Variants in IL17RB observed in about 807,000 individuals in gnomAD.
IL17RB encodes the protein interleukin-17 receptor B.
IL17RB carries 36 observed loss-of-function variants against 43.9 expected under a neutral mutation model. The ratio of observed to expected loss-of-function variants is 0.82; its 90% confidence interval spans 0.63 to 1.08. IL17RB has a LOEUF of 1.08. Ranked by LOEUF, IL17RB falls within the 50% of genes least tolerant of loss-of-function variation. The pLI, the probability that IL17RB is intolerant of heterozygous loss-of-function variation, is 0.00. For synonymous variants in IL17RB, 225 were observed against 225.4 expected, an observed-to-expected ratio of 1.00 and a Z score of 0.02; for missense variants, 613 against 613.6, an observed-to-expected ratio of 1.00 and a Z score of 0.01.
intron 9 of IL17RB, 137 bp downstream of exon 9, chr3:53,858,955 A>G (rs1699456453): frequency 1.6e-6 from 1 of 613,952 alleles, no homozygotes; most frequent in Non-Finnish European, 2.8e-6. Context: ...ACTGGGGTGC[A>G]GAGAAAGCCA....
Position 53,857,597 on chromosome 3 carries a change from T to G in IL17RB, c.673-19T>G. On this transcript the variant is annotated intron_variant, in intron 7 of 10. Transcript: ENST00000288167. ...AGTGCACCTGGCACCTCATAATTCT[T>G]GACTCTCTCTCTCTTAAGCCACACC... 1 of 1,612,336 alleles carries G rather than the reference T, an allele frequency of 6.2e-7. No individual in the cohort carries two copies. The highest frequency in any genetic ancestry group is 8.5e-7 in the Non-Finnish European group (1 of 1,178,346).
At chr3:53,860,671 T>C (rs1699531333) in intron 10 of IL17RB, 1 of 152,522 alleles carries the variant, frequency 6.6e-6, no homozygotes, top group Admixed American at 6.5e-5. Context: ...TACACCTGGA[T>C]TTTTTCAATA....
chr3:53,859,079 A>G, intron 9 of IL17RB: 1 of 358,226 alleles, frequency 2.8e-6, no homozygotes, highest in Non-Finnish European at 5.1e-6. Context: ...ACACAGTGCA[A>G]AATGGATGTT....
chr3:53,859,092 G>A (rs922260423), intron 9 of IL17RB: 2 of 320,184 alleles, frequency 6.2e-6, no homozygotes, highest in Non-Finnish European at 1.1e-5. Context: ...TGGATGTTCT[G>A]AGTGCCACAA....
In IL17RB at chr3:53,858,818, A is replaced by C; in HGVS notation, c.847A>C (p.Asn283His). The stretch of plus-strand genomic sequence containing the variant: ...AGGCGTCCCTTTCCCTCTGGATAAC[A>C]GTAAGTGCCCAGTAACTTCAACCAG... ...QTGVPFPLDNNKSKPGGWLPL... is the reference protein window; with the variant it reads ...QTGVPFPLDNHKSKPGGWLPL... Residue 283 changes from asparagine to histidine, a missense_variant and splice_region_variant, in exon 9 of 11, where the codon AAC becomes CAC. Coordinates refer to ENST00000288167, the MANE Select transcript of IL17RB (RefSeq NM_018725.4). 1 of 1,611,742 alleles carries C rather than the reference A, an allele frequency of 6.2e-7. No homozygotes were observed. Among genetic ancestry groups the C allele is most frequent in the African/African-American group, 1.3e-5 (1 of 74,994 alleles).
At chr3:53,856,718 A>G (rs1699346194) in intron 6 of IL17RB, 126 bp from the exon 7 acceptor site, 24 of 849,344 alleles carry the variant, frequency 2.8e-5, no homozygotes, top group Non-Finnish European at 4.4e-5. Flanking sequence ...TTCACTATGT[A>G]GCAGCGTCCC....
At chr3:53,852,460 A>G (rs1467157036) in intron 4 of IL17RB, among the ~76,000 whole-genome samples, 2 of 152,086 alleles carry the variant, frequency 1.3e-5, no homozygotes, top group Non-Finnish European at 2.9e-5. Context: ...TATTTGGCTA[A>G]TTGTTGCTGA....
At chr3:53,855,224 G>A (rs1178366131) in intron 5 of IL17RB, 70 bp from the exon 6 acceptor site, 4 of 974,022 alleles carry the variant, frequency 4.1e-6, no homozygotes, top group Non-Finnish European at 6.5e-6. Context: ...ATGTGTGTGT[G>A]CACTTGGCAA....
chr3:53,853,170 G>C (rs1046688968), intron 5 of IL17RB, among the ~76,000 whole-genome samples, 173 bp downstream of exon 5: 2 of 152,222 alleles, frequency 1.3e-5, no homozygotes, highest in Non-Finnish European at 2.9e-5. Context: ...AGAGCAGAGA[G>C]AATAAAGTCA....
intron 7 of IL17RB, 98 bp downstream of exon 7, chr3:53,857,084 T>C (rs1283018825): frequency 1.2e-5 from 15 of 1,281,396 alleles, no homozygotes; most frequent in Admixed American, 1.8e-5. Flanking sequence ...CTGGGCTACT[T>C]TGATGAATTC....
At chr3:53,849,548 A>C in intron 2 of IL17RB, 107 bp from the exon 3 acceptor site, 2 of 927,554 alleles carry the variant, frequency 2.2e-6, no homozygotes, top group Non-Finnish European at 3.1e-6. Context: ...AAAAGAAGTG[A>C]GGAATTGTGA....
At chr3:53,860,437 A>T (rs756576411) in intron 10 of IL17RB, 2 of 406,212 alleles carry the variant, frequency 4.9e-6, no homozygotes, top group Non-Finnish European at 8.7e-6. Flanking sequence ...GGACTTCCAG[A>T]TCTTCTGACT....
chr3:53,852,657 G>T (rs192221933), intron 4 of IL17RB, among the ~76,000 whole-genome samples: 1 of 152,200 alleles, frequency 6.6e-6, no homozygotes, highest in African/African-American at 2.4e-5. Flanking sequence ...CAATGGAAGA[G>T]AATTGGACTT....
At chr3:53,857,734 G>A (rs1699396748) in intron 8 of IL17RB, 44 bp downstream of exon 8, 2 of 1,502,334 alleles carry the variant, frequency 1.3e-6, no homozygotes, top group East Asian at 2.3e-5. Flanking sequence ...GGACATAGAA[G>A]ACTGTTCCAT....
chr3:53,852,804 C>T (rs1559776273), intron 4 of IL17RB, 67 bp from the exon 5 acceptor site: 3 of 1,503,908 alleles, frequency 2.0e-6, no homozygotes, highest in Non-Finnish European at 2.8e-6. Flanking sequence ...AAGGGCAACA[C>T]ACTAAGGTAT....
In IL17RB at chr3:53,865,599, C is replaced by G. The variant is rs1018498576; in HGVS notation, c.*291C>G. 2.9e-6 allele frequency: 1 copy of G among 350,228 alleles called. No homozygotes were observed. Among genetic ancestry groups the G allele is most frequent in the Non-Finnish European group, 5.2e-6 (1 of 191,324 alleles). 21.7% of individuals were successfully genotyped at this position (350,228 alleles called of 1,614,324 possible). ...CAATAAAGCATCTTCAGCCAAACAT[C>G]TAGTCTTCCATAGACCATGCATTGC... On this transcript the variant is annotated 3_prime_UTR_variant, in exon 11 of 11. Transcript: ENST00000288167.
At position 53,858,876 on chromosome 3, in the gene IL17RB, C is replaced by T. The variant is rs2227287; in HGVS notation, c.847+58C>T. ...AAGTGGCTCACACACAGTCACTGCC[C>T]CCCACTCAGTATGTGGAAGGGTTGT... On this transcript the variant is annotated intron_variant, in intron 9 of 10. Coordinates refer to ENST00000288167, the MANE Select transcript of IL17RB (RefSeq NM_018725.4). The T allele has an allele frequency of 0.01, 13,347 of 1,334,352 alleles. 684 individuals are homozygous for T. In the East Asian group the frequency reaches 0.15, roughly 15 times the overall value. The allele number at this position is 1,334,352 out of a possible 1,614,324, so 82.7% of individuals were successfully genotyped here.
chr3:53,863,636 C>T (rs1699653719), intron 10 of IL17RB, among the ~76,000 whole-genome samples: 1 of 152,052 alleles, frequency 6.6e-6, no homozygotes, highest in Non-Finnish European at 1.5e-5. Flanking sequence ...AGGTTAAGTT[C>T]CAGGGGCTGA....
In IL17RB at chr3:53,858,753, G is replaced by A. The variant is rs1363518406; in HGVS notation, c.782G>A (p.Cys261Tyr). ...TPYFPTCGSDCIRHKGTVVLC... is the reference protein window; with the variant it reads ...TPYFPTCGSDYIRHKGTVVLC... The stretch of plus-strand genomic sequence containing the variant: ...TATTTTCCTACTTGTGGCAGCGACT[G>A]CATCCGACATAAAGGAACAGTTGTG... The change falls in exon 9 of 11, where the codon TGC becomes TAC. Residue 261 changes from cysteine (C) to tyrosine (Y), a missense_variant. Transcript: ENST00000288167. The A allele has an allele frequency of 1.1e-5, 18 of 1,614,140 alleles. No individual in the cohort carries two copies. The highest frequency in any genetic ancestry group is 1.5e-5 in the Non-Finnish European group (18 of 1,179,996).
Sources: allele counts gnomAD v4.1 joint callset (sites outside exome capture counted in the v4.1 genomes callset), GRCh38; gene constraint gnomAD v4.1.1; transcripts MANE v1.5; gene names NCBI Gene and HGNC (gene_info 2026-07-23, HGNC 2026-07-21).